Variants in MAN2A1 observed in about 807,000 individuals in gnomAD.
MAN2A1 encodes the protein mannosidase alpha class 2A member 1.
MAN2A1 carries 76 observed loss-of-function variants against 142.6 expected under a neutral mutation model. The ratio of observed to expected loss-of-function variants is 0.53; its 90% CI spans 0.44 to 0.65. MAN2A1 has a LOEUF of 0.65. MAN2A1 is among the 30% of genes least tolerant of loss of function. The pLI, the probability that MAN2A1 is intolerant of heterozygous loss-of-function variation, is 0.00. For synonymous variants in MAN2A1, 559 were observed against 473.2 expected (o/e 1.18, Z -2.35); for missense variants, 1,311 against 1,365.1 (o/e 0.96, Z 0.62).
intron 5 of MAN2A1, among the ~76,000 whole-genome samples, chr5:109,755,915 G>A (rs1188327619): frequency 6.6e-6 from 1 of 151,982 alleles, no homozygotes; most frequent in East Asian, 1.9e-4. Flanking sequence ...GGCTCTGCTT[G>A]TTTTGCTGGG....
At chr5:109,803,177 AG>A (rs1440565670) in intron 12 of MAN2A1, among the ~76,000 whole-genome samples, 6 of 152,056 alleles carry the variant, frequency 3.9e-5, no homozygotes, top group African/African-American at 1.2e-4. Flanking sequence ...TTTTGTTCTT[AG>A]GTACAAAATT....
chr5:109,694,591 C>T (rs1750759714), intron 1 of MAN2A1, among the ~76,000 whole-genome samples: 1 of 151,898 alleles, frequency 6.6e-6, no homozygotes, highest in South Asian at 2.1e-4. Flanking sequence ...TTAAGCTATT[C>T]TCCTGCCTCA....
chr5:109,707,750 G>T (rs924210146), intron 1 of MAN2A1, among the ~76,000 whole-genome samples: 2 of 152,090 alleles, frequency 1.3e-5, no homozygotes, highest in Admixed American at 1.3e-4. Flanking sequence ...ATAAGATGAA[G>T]GTGAAGCTAA....
chr5:109,748,507 G>A (rs1305330116), intron 4 of MAN2A1, among the ~76,000 whole-genome samples: 6 of 151,578 alleles, frequency 4.0e-5, no homozygotes, highest in Admixed American at 3.3e-4. Flanking sequence ...CTGCGCTCAT[G>A]GTACTTACAG....
rs75864412 is a variant in MAN2A1 at position 109,746,530 on chromosome 5, A to G, written c.708-8799A>G. ...TGCACATGTACATAAAGGCATAGGC[A>G]TATATATTATACAATGATAGCATGC... On this transcript the variant is annotated intron_variant, in intron 4 of 21. Coordinates refer to ENST00000261483, the MANE Select transcript of MAN2A1 (RefSeq NM_002372.4). Among the ~76,000 whole-genome samples the G allele has an allele frequency of 2.6e-4, 39 of 150,356 alleles. 4 individuals are homozygous for G. In the East Asian group the frequency reaches 7.0e-3, roughly 27 times the overall value.
chr5:109,758,188 ACTGT>A (rs1282564402), intron 5 of MAN2A1, among the ~76,000 whole-genome samples: 1 of 152,118 alleles, frequency 6.6e-6, no homozygotes, highest in Non-Finnish European at 1.5e-5. Context: ...AACATTTGTT[ACTGT>A]CTCTCTTTTT....
At chr5:109,796,259 C>T (rs935753394) in intron 12 of MAN2A1, among the ~76,000 whole-genome samples, 1 of 152,050 alleles carries the variant, frequency 6.6e-6, no homozygotes, top group Non-Finnish European at 1.5e-5. Context: ...TTTAGAGAAA[C>T]CTAAGCTTGG....
chr5:109,725,605 A>G (rs1751723077), intron 3 of MAN2A1, among the ~76,000 whole-genome samples: 1 of 152,292 alleles, frequency 6.6e-6, no homozygotes, highest in South Asian at 2.1e-4. Flanking sequence ...GGATTTATCC[A>G]ATTGAAAGGG....
rs1754593904 is a variant in MAN2A1, at chr5:109,820,476, A to G, written c.2451+134A>G. On this transcript the variant is annotated intron_variant, in intron 15 of 21. Coordinates refer to ENST00000261483, the MANE Select transcript of MAN2A1 (RefSeq NM_002372.4). ...TAGATGAACTTTTGGTTGCAGTATTATCTATCACCTTATTGATACTTAGCA... is the reference window on the plus strand; with the variant it reads ...TAGATGAACTTTTGGTTGCAGTATTGTCTATCACCTTATTGATACTTAGCA... The G allele has an allele frequency of 1.3e-5, 11 of 868,082 alleles. No homozygotes were observed. In the South Asian group the frequency reaches 1.5e-4, roughly 12 times the overall value. 53.8% of individuals were successfully genotyped at this position (868,082 alleles called of 1,614,324 possible). A position where few individuals can be genotyped will look rare whatever the true frequency, so the allele number is the denominator to read the frequency against.
At chr5:109,723,395 G>A (rs1472999247) in intron 3 of MAN2A1, among the ~76,000 whole-genome samples, 1 of 152,160 alleles carries the variant, frequency 6.6e-6, no homozygotes, top group Non-Finnish European at 1.5e-5. Context: ...ACAGATCTCT[G>A]GAAGCCTCAG....
intron 15 of MAN2A1, among the ~76,000 whole-genome samples, chr5:109,822,947 G>C (rs1754666651): frequency 1.3e-5 from 2 of 152,142 alleles, no homozygotes; most frequent in Admixed American, 1.3e-4. Context: ...AAAGTGCTAG[G>C]GTTACAAGGC....
At chr5:109,784,554 T>A (rs1158634697) in intron 9 of MAN2A1, among the ~76,000 whole-genome samples, 190 bp from the exon 10 acceptor site, 1 of 152,170 alleles carries the variant, frequency 6.6e-6, no homozygotes, top group Non-Finnish European at 1.5e-5. Flanking sequence ...CTTTGATGAT[T>A]GAGAACGTAA....
chr5:109,705,988 C>A (rs1751119518), intron 1 of MAN2A1, among the ~76,000 whole-genome samples: 1 of 152,212 alleles, frequency 6.6e-6, no homozygotes, highest in African/African-American at 2.4e-5. Flanking sequence ...AAATTAATTA[C>A]ATCAGTGAAA....
intron 5 of MAN2A1, among the ~76,000 whole-genome samples, chr5:109,758,657 TTAAC>T (rs1310877736): frequency 6.7e-6 from 1 of 148,982 alleles, no homozygotes. Flanking sequence ...AGTGATTAAA[TTAAC>T]TAAATATTAT....
chr5:109,764,714 A>C (rs1008082610), intron 5 of MAN2A1, among the ~76,000 whole-genome samples: 1 of 152,306 alleles, frequency 6.6e-6, no homozygotes, highest in Admixed American at 6.5e-5. Context: ...ATTACCAGTG[A>C]TGTTATAATT....
chr5:109,821,896 T>G (rs1411594862), intron 15 of MAN2A1, among the ~76,000 whole-genome samples: 2 of 152,040 alleles, frequency 1.3e-5, no homozygotes, highest in Non-Finnish European at 2.9e-5. Flanking sequence ...TAAATTTTTG[T>G]GTAGTCATTT....
In MAN2A1 at chr5:109,784,737, C is replaced by T. The variant is rs1434092892; in HGVS notation, c.1578-7C>T. 6.4e-7 allele frequency: 1 copy of T among 1,569,452 alleles called. No homozygotes were observed. The highest frequency in any genetic ancestry group is 1.4e-5 in the African/African-American group (1 of 72,912). On this transcript the variant is annotated splice_polypyrimidine_tract_variant and splice_region_variant and intron_variant, in intron 9 of 21. Coordinates refer to ENST00000261483, the MANE Select transcript of MAN2A1 (RefSeq NM_002372.4). ...TTAAAATAAAAATATGACTTTTATG[C>T]AATTAGGGCTGCTGAAATTCTTTAC...
At position 109,734,435 on chromosome 5, in the gene MAN2A1, T is replaced by C. The variant is rs928104393; in HGVS notation, c.707+4922T>C. On this transcript the variant is annotated intron_variant, in intron 4 of 21. Coordinates refer to ENST00000261483, the MANE Select transcript of MAN2A1 (RefSeq NM_002372.4). Reference sequence around the variant, plus strand: ...TAGCTTTTGAATGTGTTTGCTCTTGTTTCTCTAGTTCTTTTAATTGTGATG... The same window carrying C: ...TAGCTTTTGAATGTGTTTGCTCTTGCTTCTCTAGTTCTTTTAATTGTGATG... Among the ~76,000 whole-genome samples, 666 of 152,096 alleles carry C rather than the reference T, an allele frequency of 4.4e-3. 3 individuals carry two copies. The highest frequency in any genetic ancestry group is 5.4e-3 in the South Asian group (26 of 4,816).
chr5:109,844,554 G>A (rs886925976), intron 17 of MAN2A1, among the ~76,000 whole-genome samples: 1 of 151,966 alleles, frequency 6.6e-6, no homozygotes, highest in African/African-American at 2.4e-5. Context: ...CATACAAATG[G>A]AATCACGTAA....
Sources: gnomAD v4.1 joint callset for allele counts (sites outside exome capture counted in the v4.1 genomes callset) on GRCh38, gnomAD v4.1.1 for gene constraint, MANE v1.5 for transcripts, NCBI Gene and HGNC (gene_info 2026-07-23, HGNC 2026-07-21) for gene names.